The following NOL4 variants were observed in gnomAD, a reference collection of about 807,000 sequenced individuals.
The protein encoded by NOL4 is cancer/testis antigen 125.
In NOL4, 17 loss-of-function variants were observed where a neutral mutation model predicts 75.9. The observed-to-expected ratio is 0.22, with a 90% confidence interval of 0.15 to 0.34. NOL4 has a LOEUF of 0.34. Among genes scored for constraint, NOL4 ranks in the 10% least tolerant of loss-of-function variants. NOL4 has a pLI of 1.00. For missense variants in NOL4, 614 were observed against 793.5 expected (o/e 0.77, Z 2.72); for synonymous variants, 292 against 289.9 (o/e 1.01, Z -0.07).
At chr18:34,154,188 C>G (rs760650662) in intron 1 of NOL4, among the ~76,000 whole-genome samples, 17 of 151,986 alleles carry the variant, frequency 1.1e-4, no homozygotes, top group Non-Finnish European at 1.6e-4. Flanking sequence ...ATCCAACAGG[C>G]AGAGGCTGAA....
At chr18:33,954,307 A>T (rs549244038) in intron 8 of NOL4, among the ~76,000 whole-genome samples, 97 of 152,174 alleles carry the variant, frequency 6.4e-4, no homozygotes, top group African/African-American at 2.2e-3. Context: ...TATATTTTTC[A>T]ATTAGTTGAT....
chr18:33,862,130 T>C (rs2063172763), intron 10 of NOL4, among the ~76,000 whole-genome samples: 2 of 152,224 alleles, frequency 1.3e-5, no homozygotes, highest in African/African-American at 4.8e-5. Flanking sequence ...TCTACAACTA[T>C]CTGATCTTTG....
chr18:34,050,271 G>T (rs939910446), intron 5 of NOL4, among the ~76,000 whole-genome samples: 1 of 146,790 alleles, frequency 6.8e-6, no homozygotes, highest in Non-Finnish European at 1.5e-5. Flanking sequence ...TTAGTAAAGG[G>T]CTTTCATTTT....
chr18:34,025,757 T>G (rs79676370), intron 5 of NOL4, among the ~76,000 whole-genome samples: 1,874 of 152,244 alleles, frequency 0.012, 31 homozygotes, highest in East Asian at 0.086. Flanking sequence ...TTTTCAGCCA[T>G]TAGCAAGCAG....
At chr18:34,176,537 T>A (rs938267367) in intron 1 of NOL4, among the ~76,000 whole-genome samples, 4 of 152,078 alleles carry the variant, frequency 2.6e-5, no homozygotes, top group African/African-American at 9.7e-5. Flanking sequence ...TGTTCATATG[T>A]TGAAGCCCTA....
chr18:33,954,723 G>A (rs893294164), intron 8 of NOL4, among the ~76,000 whole-genome samples: 4 of 152,032 alleles, frequency 2.6e-5, no homozygotes, highest in Non-Finnish European at 4.4e-5. Flanking sequence ...AAAGTCACCA[G>A]AGAATACTTG....
Position 33,943,081 on chromosome 18 carries a change from C to G in NOL4, c.1526G>C (p.Arg509Pro). The part of the protein sequence containing the change: ...SESRNAAKRM[R>P]LERQQDESAP... Reference sequence around the variant, plus strand: ...CCTCAGTACCTGCTGTCTCTCCAGACGCATCCTCTTGGCGGCATTTCTACT... The same window carrying G: ...CCTCAGTACCTGCTGTCTCTCCAGAGGCATCCTCTTGGCGGCATTTCTACT... Residue 509 changes from arginine to proline, a missense_variant, in exon 9 of 11, where the codon CGT (arginine) becomes CCT (proline). Arg to Pro is a moderately radical substitution (Grantham distance 103, BLOSUM62 -2). Around this residue, in one of 9 missense-constraint regions of NOL4, gnomAD observed 128 missense variants for 159.9 expected, o/e 0.80. Transcript: ENST00000261592. The G allele has an allele frequency of 6.2e-7, 1 of 1,610,720 alleles. No individual in the cohort carries two copies. The highest frequency in any genetic ancestry group is 1.3e-5 in the African/African-American group (1 of 74,698).
chr18:33,989,550 T>C (rs1046213043), intron 6 of NOL4, among the ~76,000 whole-genome samples: 1 of 152,114 alleles, frequency 6.6e-6, no homozygotes, highest in East Asian at 1.9e-4. Context: ...GCTTAATCTT[T>C]TTATAATATT....
chr18:33,965,585 T>G (rs1210693613), intron 6 of NOL4, among the ~76,000 whole-genome samples: 1 of 152,184 alleles, frequency 6.6e-6, no homozygotes, highest in Non-Finnish European at 1.5e-5. Flanking sequence ...GGAGGTAGTT[T>G]AACCATGGGG....
In NOL4 at chr18:33,968,121, T is replaced by C. The variant is rs542360356; in HGVS notation, c.1057-9703A>G. ...ATAAATAAATAAATAAAAATTAAAATAAAAAAATAGCGGATTCTGACGAGA... is the reference window on the plus strand; with the variant it reads ...ATAAATAAATAAATAAAAATTAAAACAAAAAAATAGCGGATTCTGACGAGA... On this transcript the variant is annotated intron_variant, in intron 6 of 10. Transcript: ENST00000261592. Among the ~76,000 whole-genome samples the C allele has an allele frequency of 6.6e-5, 10 of 151,650 alleles. No individual in the cohort carries two copies. The South Asian group carries it at 2.1e-3, about 32-fold the overall frequency.
intron 9 of NOL4, among the ~76,000 whole-genome samples, chr18:33,901,388 A>AAT (rs2065741744): frequency 6.6e-6 from 1 of 152,164 alleles, no homozygotes; most frequent in African/African-American, 2.4e-5. Flanking sequence ...GTTAACAGGG[A>AAT]AATAAATTTA....
chr18:34,099,431 T>C (rs1466436902), intron 4 of NOL4, among the ~76,000 whole-genome samples: 1 of 151,316 alleles, frequency 6.6e-6, no homozygotes, highest in African/African-American at 2.4e-5. Flanking sequence ...GGAAACATCC[T>C]GACCTGTCAC....
intron 9 of NOL4, among the ~76,000 whole-genome samples, chr18:33,888,930 A>G (rs116157234): frequency 0.017 from 2,579 of 152,098 alleles, 66 homozygotes; most frequent in African/African-American, 0.058. Flanking sequence ...AAGATCTAAA[A>G]TCGACATCCT....
At chr18:34,087,616 C>T (rs2078301608) in intron 5 of NOL4, among the ~76,000 whole-genome samples, 1 of 152,078 alleles carries the variant, frequency 6.6e-6, no homozygotes, top group South Asian at 2.1e-4. Flanking sequence ...CCAACTTATG[C>T]TAGAATTTAA....
intron 9 of NOL4, among the ~76,000 whole-genome samples, chr18:33,898,017 C>G (rs1205219496): frequency 6.6e-6 from 1 of 152,038 alleles, no homozygotes; most frequent in Non-Finnish European, 1.5e-5. Context: ...GGGCAATCCT[C>G]GCACCTCAGC....
chr18:34,108,957 C>A (rs1292289169), intron 2 of NOL4, among the ~76,000 whole-genome samples: 1 of 151,878 alleles, frequency 6.6e-6, no homozygotes, highest in Non-Finnish European at 1.5e-5. Context: ...CAAAACAAGT[C>A]CTAACAAATT....
intron 5 of NOL4, among the ~76,000 whole-genome samples, chr18:34,070,020 C>T (rs1271247946): frequency 1.3e-5 from 2 of 152,132 alleles, no homozygotes; most frequent in East Asian, 3.9e-4. Flanking sequence ...ATACCTGTAG[C>T]CTTGCCTTGT....
intron 1 of NOL4, among the ~76,000 whole-genome samples, chr18:34,204,333 C>G (rs1004783024): frequency 6.6e-6 from 1 of 152,016 alleles, no homozygotes; most frequent in African/African-American, 2.4e-5. Flanking sequence ...CACTAGTCCC[C>G]AAAGCAATCT....
chr18:33,951,123 A>G (rs962565315), intron 8 of NOL4, among the ~76,000 whole-genome samples: 1 of 152,150 alleles, frequency 6.6e-6, no homozygotes, highest in Non-Finnish European at 1.5e-5. Context: ...ATGCTCACCA[A>G]TGCTGCTAAT....
Sources: allele counts gnomAD v4.1 joint callset (sites outside exome capture counted in the v4.1 genomes callset), GRCh38; gene constraint gnomAD v4.1.1; regional missense constraint gnomAD v4.1.1; transcripts MANE v1.5; gene names NCBI Gene and HGNC (gene_info 2026-07-23, HGNC 2026-07-21).